Variants in HPSE2 observed in about 807,000 individuals in gnomAD.
HPSE2 encodes heparanase 2 (inactive), also known as inactive heparanase-2.
A neutral mutation model predicts 60.5 loss-of-function variants in HPSE2; 38 were observed. The observed-to-expected ratio is 0.63, with a 90% CI of 0.48 to 0.82. The LOEUF (loss-of-function observed/expected upper bound fraction) is 0.82, where lower values mean the gene tolerates loss of function less well. Among genes scored for constraint, HPSE2 ranks in the 40% least tolerant of loss-of-function variants. The pLI is 0.00. For missense variants in HPSE2, 713 were observed against 740.4 expected, an observed-to-expected ratio of 0.96 and a Z score of 0.43; for synonymous variants, 295 against 293.2, an observed-to-expected ratio of 1.01 and a Z score of -0.06.
At chr10:98,900,605 G>A (rs2134977637) in intron 3 of HPSE2, among the ~76,000 whole-genome samples, 1 of 152,192 alleles carries the variant, frequency 6.6e-6, no homozygotes, top group Middle Eastern at 3.4e-3. Context: ...GCAGCTTATT[G>A]TAATGTCAAT....
chr10:99,264,210 C>G, the HPSE2 span, among the ~76,000 whole-genome samples: 2 of 151,970 alleles, frequency 1.3e-5, no homozygotes, highest in African/African-American at 2.4e-5. Context: ...GCCTCAGACT[C>G]CCAAGTAGCT....
At chr10:98,572,579 A>G (rs1289630256) in intron 9 of HPSE2, among the ~76,000 whole-genome samples, 1 of 152,198 alleles carries the variant, frequency 6.6e-6, no homozygotes, top group African/African-American at 2.4e-5. Context: ...TGCAAACTGC[A>G]TCCTCCCATC....
intron 2 of HPSE2, among the ~76,000 whole-genome samples, chr10:99,176,190 T>C (rs1009030062): frequency 6.6e-6 from 1 of 151,972 alleles, no homozygotes; most frequent in Non-Finnish European, 1.5e-5. Context: ...GCCTGAAAAT[T>C]CCAAAAACCA....
chr10:98,490,553 C>T (rs1941608869), intron 9 of HPSE2, among the ~76,000 whole-genome samples: 1 of 152,186 alleles, frequency 6.6e-6, no homozygotes, highest in African/African-American at 2.4e-5. Context: ...TATGACTTTA[C>T]TTTTATAGCG....
chr10:98,774,827 C>T (rs1294358661), intron 3 of HPSE2, among the ~76,000 whole-genome samples: 1 of 152,166 alleles, frequency 6.6e-6, no homozygotes, highest in African/African-American at 2.4e-5. Context: ...CTTGCATTGC[C>T]CCATCTCCTT....
At chr10:99,263,779 C>T in the HPSE2 span, among the ~76,000 whole-genome samples, 2 of 152,106 alleles carry the variant, frequency 1.3e-5, no homozygotes, top group Non-Finnish European at 2.9e-5. Context: ...TCTATTCTGT[C>T]GTCGTTTCAT....
intron 6 of HPSE2, among the ~76,000 whole-genome samples, chr10:98,658,560 T>G (rs1458027055): frequency 2.0e-5 from 3 of 152,158 alleles, no homozygotes; most frequent in Non-Finnish European, 4.4e-5. Context: ...AATCTTTTTT[T>G]TTTTTAGGGT....
At chr10:99,226,751 C>T (rs1476865091) in intron 2 of HPSE2, among the ~76,000 whole-genome samples, 1 of 151,940 alleles carries the variant, frequency 6.6e-6, no homozygotes, top group Non-Finnish European at 1.5e-5. Flanking sequence ...TATATTAAAA[C>T]CACCACAATA....
intron 3 of HPSE2, among the ~76,000 whole-genome samples, chr10:98,859,812 T>C (rs148317739): frequency 1.4e-4 from 21 of 152,302 alleles, no homozygotes; most frequent in African/African-American, 4.3e-4. Context: ...TTCCTATATA[T>C]AAACAGTAGT....
intron 3 of HPSE2, among the ~76,000 whole-genome samples, chr10:99,132,229 G>GA (rs1313413051): frequency 2.4e-4 from 4 of 16,782 alleles, no homozygotes; most frequent in Admixed American, 9.7e-4. Flanking sequence ...GAGAGAGAGA[G>GA]AGAGAGAGAG....
At chr10:98,532,412 G>A (rs560056731) in intron 9 of HPSE2, among the ~76,000 whole-genome samples, 17 of 152,258 alleles carry the variant, frequency 1.1e-4, no homozygotes, top group African/African-American at 3.6e-4. Flanking sequence ...CCTCTGCTTC[G>A]TGATCTTGGG....
intron 3 of HPSE2, among the ~76,000 whole-genome samples, chr10:99,009,353 G>C (rs1262637211): frequency 1.3e-5 from 2 of 151,320 alleles, no homozygotes; most frequent in African/African-American, 4.9e-5. Flanking sequence ...CCAGGAGTTT[G>C]AGGCTGCAAT....
At chr10:98,923,565 G>C (rs1648784411) in intron 3 of HPSE2, among the ~76,000 whole-genome samples, 1 of 151,746 alleles carries the variant, frequency 6.6e-6, no homozygotes, top group African/African-American at 2.4e-5. Flanking sequence ...AAATCTTGTA[G>C]GCATGCTTCA....
intron 2 of HPSE2, among the ~76,000 whole-genome samples, chr10:99,150,316 A>C (rs1846212641): frequency 6.6e-6 from 1 of 152,118 alleles, no homozygotes; most frequent in Non-Finnish European, 1.5e-5. Context: ...CAAATGACAG[A>C]CTGGCAGACC....
At chr10:98,474,131 T>G (rs1591230881) in intron 11 of HPSE2, among the ~76,000 whole-genome samples, 1 of 152,152 alleles carries the variant, frequency 6.6e-6, no homozygotes, top group South Asian at 2.1e-4. Flanking sequence ...ACTAAAATAC[T>G]TAGATGTCTT....
At chr10:99,012,034 C>T (rs1434101993) in intron 3 of HPSE2, among the ~76,000 whole-genome samples, 1 of 151,724 alleles carries the variant, frequency 6.6e-6, no homozygotes, top group Non-Finnish European at 1.5e-5. Context: ...AGAAAACATA[C>T]CTTACTTTTA....
intron 9 of HPSE2, among the ~76,000 whole-genome samples, chr10:98,605,558 G>A (rs534569363): frequency 2.6e-5 from 4 of 152,104 alleles, no homozygotes; most frequent in Non-Finnish European, 5.9e-5. Context: ...GTGACAGAGA[G>A]TGTAAATGGG....
chr10:98,726,040 C>G (rs1949069122), intron 4 of HPSE2, among the ~76,000 whole-genome samples: 2 of 152,182 alleles, frequency 1.3e-5, no homozygotes, highest in Non-Finnish European at 2.9e-5. Context: ...ATTGGTGGGA[C>G]TGTAAACTAG....
At chr10:98,620,856 G>C in intron 7 of HPSE2, 148 bp from the exon 8 acceptor site, 2 of 696,784 alleles carry the variant, frequency 2.9e-6, no homozygotes, top group South Asian at 3.1e-5. Context: ...GATGCACCCA[G>C]TTCAGTGAGT....
Sources: allele counts gnomAD v4.1 joint callset (sites outside exome capture counted in the v4.1 genomes callset), GRCh38; gene constraint gnomAD v4.1.1; transcripts MANE v1.5; gene names NCBI Gene and HGNC (gene_info 2026-07-23, HGNC 2026-07-21).